ARPP21: variants seen among roughly 807,000 people sequenced by gnomAD.
ARPP21 encodes the protein cAMP regulated phosphoprotein 21.
A neutral mutation model predicts 113.2 loss-of-function variants in ARPP21; 69 were observed. That is an observed-to-expected ratio of 0.61 (90% CI 0.50 to 0.74). The LOEUF (loss-of-function observed/expected upper bound fraction) is 0.74, where lower values mean the gene tolerates loss of function less well. Among genes scored for constraint, ARPP21 ranks in the 30% least tolerant of loss-of-function variants. The probability of loss-of-function intolerance (pLI) is 0.00; values close to 1 mark genes in which losing one functional copy is unlikely to be tolerated. For synonymous variants in ARPP21, 368 were observed against 375.5 expected (o/e 0.98, Z 0.23); for missense variants, 1,070 against 1,037.4 (o/e 1.03, Z -0.43).
At position 35,737,165 on chromosome 3, in the gene ARPP21, G is replaced by A. The variant is rs751825581; in HGVS notation, c.1460-13G>A. ...GAGAAGCTTACCTGGACTAAGTTCT[G>A]ATTCCATTGCAGGCCAGCCCTTTGT... On this transcript the variant is annotated splice_polypyrimidine_tract_variant and intron_variant, in intron 15 of 20. Coordinates refer to ENST00000684406, the MANE Select transcript of ARPP21 (RefSeq NM_001385562.1). The A allele has an allele frequency of 2.5e-6, 4 of 1,569,578 alleles. No individual in the cohort carries two copies. In the South Asian group the frequency reaches 4.5e-5, roughly 18 times the overall value.
At chr3:35,690,388 A>T (rs933836906) in intron 8 of ARPP21, among the ~76,000 whole-genome samples, 1 of 151,488 alleles carries the variant, frequency 6.6e-6, no homozygotes, top group African/African-American at 2.4e-5. Context: ...TGATTAGCAT[A>T]GAGTAGCTGT....
intron 19 of ARPP21, among the ~76,000 whole-genome samples, chr3:35,751,011 C>T (rs1006381212): frequency 4.6e-5 from 7 of 152,038 alleles, no homozygotes; most frequent in African/African-American, 1.7e-4. Flanking sequence ...TGAAGTTGAC[C>T]GTTTACAAAG....
chr3:35,743,406 T>C (rs1032218909), intron 18 of ARPP21, among the ~76,000 whole-genome samples: 1 of 152,172 alleles, frequency 6.6e-6, no homozygotes, highest in Admixed American at 6.5e-5. Context: ...ATGGCTGGGG[T>C]GGCTTGACTA....
At chr3:35,687,937 C>T in intron 6 of ARPP21, 54 bp downstream of exon 6, 2 of 1,508,136 alleles carry the variant, frequency 1.3e-6, no homozygotes, top group Non-Finnish European at 1.8e-6. Flanking sequence ...CACATAGTCA[C>T]AGAACACATT....
intron 3 of ARPP21, among the ~76,000 whole-genome samples, chr3:35,682,236 AC>A (rs1305383945): frequency 6.6e-6 from 1 of 151,780 alleles, no homozygotes; most frequent in African/African-American, 2.4e-5. Flanking sequence ...AAAGATGAAG[AC>A]TCAATTCATG....
intron 14 of ARPP21, among the ~76,000 whole-genome samples, chr3:35,728,869 T>C (rs185604088): frequency 7.1e-4 from 108 of 152,252 alleles, no homozygotes; most frequent in Non-Finnish European, 1.0e-4. Context: ...CTTCACATCA[T>C]AGGGCTCTTC....
intron 1 of ARPP21, among the ~76,000 whole-genome samples, chr3:35,658,796 G>A (rs1706242719): frequency 6.6e-6 from 1 of 152,044 alleles, no homozygotes; most frequent in Non-Finnish European, 1.5e-5. Flanking sequence ...CTGGACCTGT[G>A]CTGTGCTGAA....
At chr3:35,670,822 A>G (rs569100030) in intron 1 of ARPP21, among the ~76,000 whole-genome samples, 75 of 152,236 alleles carry the variant, frequency 4.9e-4, no homozygotes, top group African/African-American at 1.7e-3. Context: ...TATCCTTTCA[A>G]CAAGCTGGTA....
chr3:35,771,876 T>C (rs2096215350), intron 19 of ARPP21, among the ~76,000 whole-genome samples: 1 of 152,204 alleles, frequency 6.6e-6, no homozygotes, highest in Non-Finnish European at 1.5e-5. Context: ...GCCTTTGGAC[T>C]ATATTATGTT....
In ARPP21 at chr3:35,724,927, A is replaced by G. The variant is rs554230751; in HGVS notation, c.1225+3093A>G. Among the ~76,000 whole-genome samples, 54 of 152,334 alleles carry G rather than the reference A, an allele frequency of 3.5e-4. No homozygotes were observed. In the South Asian group the frequency reaches 0.011, roughly 30 times the overall value. On this transcript the variant is annotated intron_variant, in intron 14 of 20. Coordinates refer to ENST00000684406, the MANE Select transcript of ARPP21 (RefSeq NM_001385562.1). ...TCTTGAATTATATAATTCAGAAATA[A>G]AACCTTTATGATTTGTGGTCCTTGT...
chr3:35,703,915 A>C (rs1476921465), intron 9 of ARPP21, among the ~76,000 whole-genome samples: 1 of 151,898 alleles, frequency 6.6e-6, no homozygotes, highest in East Asian at 1.9e-4. Flanking sequence ...TCAAAGCTAT[A>C]ATATAATGGT....
intron 10 of ARPP21, among the ~76,000 whole-genome samples, chr3:35,708,764 G>T (rs537933754): frequency 1.1e-3 from 171 of 152,310 alleles, no homozygotes; most frequent in African/African-American, 3.9e-3. Context: ...CCAACCAGCA[G>T]CAGTAAACAC....
chr3:35,775,236 T>C (rs976978684), intron 19 of ARPP21, among the ~76,000 whole-genome samples: 8 of 152,148 alleles, frequency 5.3e-5, no homozygotes, highest in African/African-American at 1.7e-4. Context: ...TAATCCCTTG[T>C]CTTACACTGA....
At chr3:35,713,234 A>C (rs956763812) in intron 11 of ARPP21, among the ~76,000 whole-genome samples, 1 of 99,624 alleles carries the variant, frequency 1.0e-5, no homozygotes, top group African/African-American at 4.0e-5. Flanking sequence ...AAAATTATTA[A>C]TACTACTTTT....
intron 2 of ARPP21, chr3:35,681,445 G>GGGGAAC (rs2078899874): frequency 3.9e-6 from 1 of 253,338 alleles, no homozygotes; most frequent in African/African-American, 2.2e-5. Context: ...TGGTAGTTGT[G>GGGGAAC]TGGGAGTTAT....
At chr3:35,639,444 T>A (rs1236215291), upstream of ARPP21, 1 of 151,940 alleles carries the variant, frequency 6.6e-6, no homozygotes. This position sits in a 1 kb window ranked among gnomAD's most constrained non-coding sequence, Gnocchi z 5.0. Flanking sequence ...ACCGGACGCA[T>A]CCGGAGCTGC....
At position 35,721,781 on chromosome 3, in the gene ARPP21, C is replaced by G. The variant is rs200973242; in HGVS notation, c.1172C>G (p.Thr391Ser). 6.2e-7 allele frequency: 1 copy of G among 1,613,332 alleles called. No individual in the cohort carries two copies. Among genetic ancestry groups the G allele is most frequent in the Non-Finnish European group, 8.5e-7 (1 of 1,179,686 alleles). ...AGTTTTGGGGGCATCACGGTGCTGA[C>G]CAGGGGTGACAGCACTTCCAGTACT... Reference protein sequence around the residue: ...TASFGGITVLTRGDSTSSTRS... With the variant: ...TASFGGITVLSRGDSTSSTRS... The change falls in exon 14 of 21, where the codon ACC (threonine) becomes AGC (serine). Residue 391 changes from threonine to serine, a missense_variant. Transcript: ENST00000684406.
At chr3:35,779,709 T>A (rs1301888584) in intron 19 of ARPP21, among the ~76,000 whole-genome samples, 1 of 152,144 alleles carries the variant, frequency 6.6e-6, no homozygotes, top group East Asian at 1.9e-4. Context: ...AGCATATTCA[T>A]AAAGGAGCAA....
chr3:35,681,824 G>A lies in ARPP21; in HGVS notation c.73G>A (p.Glu25Lys). Residue 25 changes from glutamate to lysine, a missense_variant, in exon 3 of 21, where the codon GAG (glutamate) becomes AAG (lysine). By Grantham distance (56) the Glu-to-Lys change is moderately conservative. Coordinates refer to ENST00000684406, the MANE Select transcript of ARPP21 (RefSeq NM_001385562.1). The part of the protein sequence containing the change: ...GGTEQETATP[E>K]NGIVKSESLD... Reference sequence around the variant, plus strand: ...GACTGAGCAGGAGACGGCCACTCCAGAGAACGGCATTGTTAAATCAGAAAG... The same window carrying A: ...GACTGAGCAGGAGACGGCCACTCCAAAGAACGGCATTGTTAAATCAGAAAG... The A allele has an allele frequency of 6.2e-7, 1 of 1,612,172 alleles. No individual in the cohort carries two copies. Among genetic ancestry groups the A allele is most frequent in the Non-Finnish European group, 8.5e-7 (1 of 1,178,782 alleles).
Sources: gnomAD v4.1 joint callset for allele counts (sites outside exome capture counted in the v4.1 genomes callset) on GRCh38, gnomAD v4.1.1 for gene constraint, Gnocchi (gnomAD v3.1) non-coding constraint, MANE v1.5 for transcripts, NCBI Gene and HGNC (gene_info 2026-07-23, HGNC 2026-07-21) for gene names.